SLC39A11: variants seen among roughly 807,000 people sequenced by gnomAD.
The protein encoded by SLC39A11 is zinc transporter ZIP11.
A neutral mutation model predicts 36.1 loss-of-function variants in SLC39A11; 33 were observed. The ratio of observed to expected loss-of-function variants is 0.91; its 90% confidence interval spans 0.69 to 1.22. The LOEUF (loss-of-function observed/expected upper bound fraction) is 1.22. SLC39A11 is among the 50% of genes most tolerant of loss of function. The pLI is 0.00. For synonymous variants in SLC39A11, 166 were observed against 170.3 expected (o/e 0.97, Z 0.20); for missense variants, 432 against 430.3 (o/e 1.00, Z -0.03).
At chr17:72,959,714 GA>G (rs1448752918) in intron 4 of SLC39A11, among the ~76,000 whole-genome samples, 5 of 151,822 alleles carry the variant, frequency 3.3e-5, no homozygotes, top group Non-Finnish European at 7.4e-5. Flanking sequence ...ATAACCTATG[GA>G]AAAAAATTTT....
At position 72,949,144 on chromosome 17, in the gene SLC39A11, C is replaced by CTTTT. The variant is rs56036208; in HGVS notation, c.307-1273_307-1270dup. Among the ~76,000 whole-genome samples the CTTTT allele has an allele frequency of 4.8e-3, 177 of 36,510 alleles. 35 individuals carry two copies. Among genetic ancestry groups the CTTTT allele is most frequent in the Admixed American group, 8.3e-3 (15 of 1,802 alleles). 24.0% of individuals were successfully genotyped at this position (36,510 alleles called of 152,430 possible). On this transcript the variant is annotated intron_variant, in intron 4 of 9. Coordinates refer to ENST00000255559, the MANE Select transcript of SLC39A11 (RefSeq NM_139177.4). ...AAATAAAATACCATACACTGGGCAGCTTTTTTTTTTTTTTTTTTTTTTTTT... is the reference window on the plus strand; with the variant it reads ...AAATAAAATACCATACACTGGGCAGCTTTTTTTTTTTTTTTTTTTTTTTTTTTTT...
At chr17:72,662,185 T>C (rs764918126) in intron 7 of SLC39A11, among the ~76,000 whole-genome samples, 17 of 152,146 alleles carry the variant, frequency 1.1e-4, no homozygotes, top group Middle Eastern at 3.4e-3. Context: ...GAGGACTGCC[T>C]GAGCCCAGGA....
chr17:73,006,659 C>T (rs1164153289), intron 4 of SLC39A11, among the ~76,000 whole-genome samples: 2 of 151,878 alleles, frequency 1.3e-5, no homozygotes, highest in Non-Finnish European at 2.9e-5. Flanking sequence ...TAAACACACA[C>T]ACACACACAC....
intron 7 of SLC39A11, among the ~76,000 whole-genome samples, chr17:72,699,072 G>C (rs559406836): frequency 6.6e-5 from 10 of 152,198 alleles, no homozygotes; most frequent in African/African-American, 2.4e-4. Flanking sequence ...CTTGTGATCT[G>C]CCCGCCTTGG....
chr17:72,812,883 C>T (rs1449243501), intron 6 of SLC39A11, among the ~76,000 whole-genome samples: 1 of 152,076 alleles, frequency 6.6e-6, no homozygotes, highest in Non-Finnish European at 1.5e-5. Flanking sequence ...TGATAGCATC[C>T]CGCTTTTCTT....
chr17:72,862,005 G>T (rs1446506714), intron 5 of SLC39A11, among the ~76,000 whole-genome samples: 1 of 151,072 alleles, frequency 6.6e-6, no homozygotes, highest in African/African-American at 2.4e-5. Flanking sequence ...AGGAAAACTG[G>T]TTCCTGAAAA....
intron 5 of SLC39A11, among the ~76,000 whole-genome samples, chr17:72,884,620 T>C (rs561498780): frequency 1.1e-4 from 17 of 152,226 alleles, no homozygotes; most frequent in Non-Finnish European, 2.9e-5. Flanking sequence ...GACCAGACTA[T>C]ATTACTATGG....
Position 72,851,604 on chromosome 17 carries a change from T to A in SLC39A11, c.431-1800A>T, listed in dbSNP as rs78488378. 9.9e-5 allele frequency among the ~76,000 whole-genome samples: 15 copies of A among 152,284 alleles called. No homozygotes were observed. The East Asian group carries it at 2.9e-3, about 29-fold the overall frequency. On this transcript the variant is annotated intron_variant, in intron 5 of 9. Coordinates refer to ENST00000255559, the MANE Select transcript of SLC39A11 (RefSeq NM_139177.4). ...AGTATGTATACAAATGAAAATCTCATTAGGAGTATATATTTTTTGTAATAG... is the reference window on the plus strand; with the variant it reads ...AGTATGTATACAAATGAAAATCTCAATAGGAGTATATATTTTTTGTAATAG...
intron 5 of SLC39A11, among the ~76,000 whole-genome samples, chr17:72,864,427 T>G (rs965816711): frequency 6.6e-6 from 1 of 151,660 alleles, no homozygotes; most frequent in Non-Finnish European, 1.5e-5. Flanking sequence ...CTGTCCTTCA[T>G]AGGACAGGCT....
intron 4 of SLC39A11, among the ~76,000 whole-genome samples, chr17:72,956,143 T>A (rs2086237965): frequency 6.6e-6 from 1 of 152,156 alleles, no homozygotes; most frequent in African/African-American, 2.4e-5. Flanking sequence ...TCCAGCTTCG[T>A]CCCCATCACC....
intron 7 of SLC39A11, among the ~76,000 whole-genome samples, chr17:72,720,781 A>G (rs2143574040): frequency 6.6e-6 from 1 of 152,334 alleles, no homozygotes; most frequent in Non-Finnish European, 1.5e-5. Context: ...AAAGCAACGC[A>G]TCAAGGTCAT....
At chr17:72,650,971 T>G (rs1056747656) in intron 7 of SLC39A11, among the ~76,000 whole-genome samples, 5 of 152,122 alleles carry the variant, frequency 3.3e-5, no homozygotes, top group African/African-American at 1.2e-4. Flanking sequence ...GACCTCCATT[T>G]TGTTTCAGGG....
intron 6 of SLC39A11, among the ~76,000 whole-genome samples, chr17:72,811,894 T>C (rs1259555419): frequency 1.3e-5 from 2 of 152,238 alleles, no homozygotes; most frequent in African/African-American, 4.8e-5. Context: ...ATATAACACA[T>C]GCTATTAGAT....
chr17:72,730,915 G>A (rs750718348), intron 7 of SLC39A11, among the ~76,000 whole-genome samples: 21 of 152,056 alleles, frequency 1.4e-4, no homozygotes, highest in Non-Finnish European at 2.8e-4. Flanking sequence ...CACGTCCGGC[G>A]AATTTTTTGT....
intron 6 of SLC39A11, among the ~76,000 whole-genome samples, chr17:72,829,561 A>G (rs2078180426): frequency 1.3e-5 from 2 of 152,118 alleles, no homozygotes; most frequent in South Asian, 4.1e-4. Flanking sequence ...AGGCAGAGGG[A>G]AAGGGAGGAT....
At chr17:72,984,271 G>A (rs1420847544) in intron 4 of SLC39A11, among the ~76,000 whole-genome samples, 1 of 151,752 alleles carries the variant, frequency 6.6e-6, no homozygotes, top group Non-Finnish European at 1.5e-5. Context: ...AACAAACTCA[G>A]CCACCCCAGG....
chr17:72,865,393 T>C (rs2080249567), intron 5 of SLC39A11, among the ~76,000 whole-genome samples: 1 of 137,484 alleles, frequency 7.3e-6, no homozygotes, highest in Non-Finnish European at 1.5e-5. Flanking sequence ...ATGTGGTCTC[T>C]GAAGAAAAAA....
chr17:73,023,176 CAACT>C (rs1272326224), intron 4 of SLC39A11, among the ~76,000 whole-genome samples: 1 of 152,052 alleles, frequency 6.6e-6, no homozygotes, highest in East Asian at 1.9e-4. Flanking sequence ...GCCCAGTGCC[CAACT>C]AACAGCTGAG....
At chr17:72,997,869 C>T (rs1326046279) in intron 4 of SLC39A11, among the ~76,000 whole-genome samples, 2 of 152,072 alleles carry the variant, frequency 1.3e-5, no homozygotes, top group African/African-American at 4.8e-5. Context: ...TCAGTAACGG[C>T]CCCAAGCACA....
Sources: allele counts gnomAD v4.1 joint callset (sites outside exome capture counted in the v4.1 genomes callset), GRCh38; gene constraint gnomAD v4.1.1; transcripts MANE v1.5; gene names NCBI Gene and HGNC (gene_info 2026-07-23, HGNC 2026-07-21).